The following WDFY3 variants were observed in gnomAD, a reference collection of about 807,000 sequenced individuals.
WDFY3 encodes WD repeat and FYVE domain-containing protein 3.
WDFY3 carries 66 observed loss-of-function variants against 409.6 expected under a neutral mutation model. The ratio of observed to expected loss-of-function variants is 0.16; its 90% CI spans 0.13 to 0.20. The LOEUF is 0.20. Among genes scored for constraint, WDFY3 ranks in the 10% least tolerant of loss-of-function variants. The pLI, the probability that WDFY3 is intolerant of heterozygous loss-of-function variation, is 1.00. For synonymous variants in WDFY3, 1,521 were observed against 1,537.1 expected (o/e 0.99, Z 0.25); for missense variants, 3,031 against 4,298.1 (o/e 0.71, Z 8.24).
intron 2 of WDFY3, among the ~76,000 whole-genome samples, chr4:84,928,058 G>GT (rs1770237872): frequency 6.6e-6 from 1 of 152,234 alleles, no homozygotes; most frequent in East Asian, 1.9e-4. Flanking sequence ...AGTGGACTGA[G>GT]TAAGGAAGAT....
chr4:84,718,709 G>T, intron 47 of WDFY3, 139 bp from the exon 48 acceptor site: 1 of 1,052,092 alleles, frequency 9.5e-7, no homozygotes, highest in Non-Finnish European at 1.3e-6. Context: ...TTAGATTACA[G>T]TCTGATTTAC....
intron 9 of WDFY3, among the ~76,000 whole-genome samples, chr4:84,827,696 A>G (rs1755058307): frequency 6.6e-6 from 1 of 152,194 alleles, no homozygotes. Context: ...ATACCCCTCT[A>G]GTAATGTGAA....
intron 47 of WDFY3, among the ~76,000 whole-genome samples, chr4:84,720,686 C>T (rs1005012024): frequency 2.0e-5 from 3 of 152,162 alleles, no homozygotes; most frequent in Admixed American, 2.0e-4. Context: ...CATCAGAAGC[C>T]GAGCAGATGC....
At chr4:84,771,028 T>A (rs1052323543) in intron 30 of WDFY3, among the ~76,000 whole-genome samples, 3 of 152,200 alleles carry the variant, frequency 2.0e-5, no homozygotes, top group Non-Finnish European at 4.4e-5. Flanking sequence ...AATTTATACA[T>A]CCCTACTTCA....
rs777538985 is a variant in WDFY3 at position 84,678,912 on chromosome 4, A to C, written c.10147+7T>G. 1 of 1,606,792 alleles carries C rather than the reference A, an allele frequency of 6.2e-7. No individual in the cohort carries two copies. The highest frequency in any genetic ancestry group is 1.7e-5 in the Admixed American group (1 of 59,408). On this transcript the variant is annotated splice_region_variant and intron_variant, in intron 65 of 67. Transcript: ENST00000295888. Reference sequence around the variant, plus strand: ...GAGTGAGAAATAGATACCAGACTTCAAGTTACCAGGTTTCAATCTGCTGTA... The same window carrying C: ...GAGTGAGAAATAGATACCAGACTTCCAGTTACCAGGTTTCAATCTGCTGTA...
intron 67 of WDFY3, among the ~76,000 whole-genome samples, chr4:84,673,591 C>G (rs1281862807): frequency 6.6e-6 from 1 of 152,106 alleles, no homozygotes; most frequent in Non-Finnish European, 1.5e-5. Flanking sequence ...CTTTCCTTTT[C>G]CAGTCCCAAC....
rs760773365 is a variant in WDFY3, at chr4:84,735,032, TAA to T, written c.6993+9_6993+10del. ...GTAAAACAAACCATTATGATGATTA[TAA>T]GTCCTTACCTCCTGATATTCTTTAT... On this transcript the variant is annotated intron_variant, in intron 43 of 67. Transcript: ENST00000295888. 1 of 1,605,726 alleles carries T rather than the reference TAA, an allele frequency of 6.2e-7. No individual in the cohort carries two copies.
At chr4:84,787,365 AGAG>A (rs1463731704) in intron 23 of WDFY3, 114 bp downstream of exon 23, 5 of 924,232 alleles carry the variant, frequency 5.4e-6, no homozygotes, top group Middle Eastern at 3.3e-4. Flanking sequence ...GAAGAAGATT[AGAG>A]GAGAAGGCGC....
chr4:84,873,840 C>T (rs896087814), intron 3 of WDFY3, among the ~76,000 whole-genome samples: 4 of 151,538 alleles, frequency 2.6e-5, no homozygotes, highest in African/African-American at 4.8e-5. Flanking sequence ...TGGAGTGCAG[C>T]GGTATGATCA....
chr4:84,959,011 T>C (rs911557416), intron 1 of WDFY3, among the ~76,000 whole-genome samples: 3 of 152,182 alleles, frequency 2.0e-5, no homozygotes, highest in African/African-American at 7.2e-5. Flanking sequence ...GTACTATGTA[T>C]TATAATAATT....
intron 35 of WDFY3, among the ~76,000 whole-genome samples, chr4:84,752,441 C>T (rs1230277696): frequency 1.3e-5 from 2 of 151,404 alleles, no homozygotes; most frequent in African/African-American, 2.4e-5. Context: ...ACAGGAGAAT[C>T]GCTTGAACTT....
intron 1 of WDFY3, among the ~76,000 whole-genome samples, chr4:84,940,013 T>A (rs1423758899): frequency 2.0e-5 from 3 of 152,126 alleles, no homozygotes; most frequent in African/African-American, 7.2e-5. Context: ...GCTTAAAACA[T>A]CATGAACTCA....
chr4:84,922,349 T>C (rs977276074), intron 2 of WDFY3, among the ~76,000 whole-genome samples: 3 of 152,204 alleles, frequency 2.0e-5, no homozygotes, highest in Non-Finnish European at 4.4e-5. Flanking sequence ...GAAAACAAAC[T>C]AAACAGAGGC....
chr4:84,780,975 G>A (rs911165129), intron 25 of WDFY3, among the ~76,000 whole-genome samples: 7 of 152,076 alleles, frequency 4.6e-5, no homozygotes, highest in African/African-American at 1.7e-4. Flanking sequence ...AAGTAAGAGT[G>A]CCTTACTAGC....
In WDFY3 at chr4:84,718,575, A is replaced by G. The variant is rs761794551; in HGVS notation, c.7606-5T>C. On this transcript the variant is annotated splice_polypyrimidine_tract_variant and splice_region_variant and intron_variant, in intron 47 of 67. Coordinates refer to ENST00000295888, the MANE Select transcript of WDFY3 (RefSeq NM_014991.6). Reference sequence around the variant, plus strand: ...ACAGCGGTACATGTGTTGGATCTATAAAGAAGCCCACAAACATTCATTAAT... The same window carrying G: ...ACAGCGGTACATGTGTTGGATCTATGAAGAAGCCCACAAACATTCATTAAT... The G allele has an allele frequency of 2.3e-5, 37 of 1,602,480 alleles. No homozygotes were observed. Among genetic ancestry groups the G allele is most frequent in the Non-Finnish European group, 2.9e-5 (34 of 1,176,354 alleles).
At chr4:84,799,839 C>T (rs1750186607) in intron 17 of WDFY3, among the ~76,000 whole-genome samples, 1 of 152,204 alleles carries the variant, frequency 6.6e-6, no homozygotes. Flanking sequence ...CTTGTACCAT[C>T]ATTTGACTTC....
At chr4:84,701,595 T>C (rs1731079001) in intron 56 of WDFY3, among the ~76,000 whole-genome samples, 1 of 152,230 alleles carries the variant, frequency 6.6e-6, no homozygotes, top group South Asian at 2.1e-4. Context: ...CAATGGAATT[T>C]TGATATGCTT....
Position 84,679,007 on chromosome 4 carries a change from C to G in WDFY3, c.10059G>C (p.Glu3353Asp). The G allele has an allele frequency of 6.2e-7, 1 of 1,614,234 alleles. No homozygotes were observed. Among genetic ancestry groups the G allele is most frequent in the South Asian group, 1.1e-5 (1 of 91,084 alleles). The change falls in exon 65 of 68, where the codon GAG becomes GAC. Residue 3353 changes from glutamate to aspartate, a missense_variant. By Grantham distance (45) the Glu-to-Asp change is conservative (BLOSUM62 2). Around this residue, in one of 16 missense-constraint regions of WDFY3, gnomAD observed 378 missense variants for 477.3 expected, o/e 0.79. Coordinates refer to ENST00000295888, the MANE Select transcript of WDFY3 (RefSeq NM_014991.6). ...KDGFIFVNYS[E>D]GQTRAHLQGP... Reference sequence around the variant, plus strand: ...CCTGCAGATGGGCTCTGGTCTGGCCCTCTGAATAGTTCACAAATATGAAGC... The same window carrying G: ...CCTGCAGATGGGCTCTGGTCTGGCCGTCTGAATAGTTCACAAATATGAAGC...
intron 2 of WDFY3, among the ~76,000 whole-genome samples, chr4:84,908,581 T>A (rs2150713614): frequency 6.6e-6 from 1 of 152,318 alleles, no homozygotes; most frequent in East Asian, 1.9e-4. Flanking sequence ...CTTCGCATAA[T>A]TCTAATGTAC....
Sources: gnomAD v4.1 joint callset for allele counts (sites outside exome capture counted in the v4.1 genomes callset) on GRCh38, gnomAD v4.1.1 for gene constraint, gnomAD v4.1.1 regional missense constraint, MANE v1.5 for transcripts, NCBI Gene and HGNC (gene_info 2026-07-23, HGNC 2026-07-21) for gene names.